The following RBPJ variants were observed in gnomAD, a reference collection of about 807,000 sequenced individuals.
The protein encoded by RBPJ is recombination signal binding protein for immunoglobulin kappa J region.
Under a neutral mutation model 67.8 loss-of-function variants are expected in RBPJ, and 9 were observed. The observed-to-expected ratio is 0.13, with a 90% confidence interval of 0.08 to 0.23. RBPJ has a LOEUF of 0.23. Ranked by LOEUF, RBPJ falls within the 10% of genes least tolerant of loss-of-function variation. The probability of loss-of-function intolerance (pLI) is 1.00; values close to 1 mark genes in which losing one functional copy is unlikely to be tolerated. For synonymous variants in RBPJ, 198 were observed against 203.3 expected, an observed-to-expected ratio of 0.97 and a Z score of 0.22; for missense variants, 305 against 595.6, an observed-to-expected ratio of 0.51 and a Z score of 5.08.
rs561542727 is a variant in RBPJ at position 26,381,321 on chromosome 4, G to A, written c.21-5032G>A. On this transcript the variant is annotated intron_variant, in intron 1 of 10. Coordinates refer to ENST00000355476, the MANE Select transcript of RBPJ (RefSeq NM_015874.6). ...GCAAAACAGAAGTATATATATTAAT[G>A]TGTATGCAGGTTTTTTACTTACTTG... 3.2e-4 allele frequency among the ~76,000 whole-genome samples: 48 copies of A among 152,100 alleles called. No homozygotes were observed. In the South Asian group the frequency reaches 9.5e-3, roughly 30 times the overall value.
intron 1 of RBPJ, among the ~76,000 whole-genome samples, chr4:26,185,856 G>A (rs940980132): frequency 6.6e-5 from 10 of 152,130 alleles, no homozygotes; most frequent in Admixed American, 1.3e-4. Context: ...GGCCAGCCTG[G>A]CCAACATGGT....
In RBPJ at chr4:26,406,001, G is replaced by T. The variant is rs1471177006; in HGVS notation, c.60-174G>T. ...AATGAGCAGTATTCATTGTATCATT[G>T]TATAATCTTCCAATTTAATTTATGG... On this transcript the variant is annotated intron_variant, in intron 2 of 10. Coordinates refer to ENST00000355476, the MANE Select transcript of RBPJ (RefSeq NM_015874.6). Among the ~76,000 whole-genome samples, 4 of 152,084 alleles carry T rather than the reference G, an allele frequency of 2.6e-5. No individual in the cohort carries two copies. The East Asian group carries it at 7.7e-4, about 29-fold the overall frequency.
intron 3 of RBPJ, 28 bp from the exon 4 acceptor site, chr4:26,415,447 T>G (rs752973400): frequency 7.8e-5 from 76 of 970,266 alleles, no homozygotes; most frequent in Non-Finnish European, 9.4e-5. Flanking sequence ...TTGCTTCTTG[T>G]TTTTTTTTTT....
chr4:26,387,229 G>T (rs1310173539), intron 2 of RBPJ, among the ~76,000 whole-genome samples: 1 of 151,990 alleles, frequency 6.6e-6, no homozygotes, highest in African/African-American at 2.4e-5. Context: ...ATTTTAAAAA[G>T]CTGTTACACT....
chr4:26,361,469 A>G (rs894546485), intron 1 of RBPJ, among the ~76,000 whole-genome samples: 8 of 152,084 alleles, frequency 5.3e-5, no homozygotes, highest in Non-Finnish European at 1.2e-4. Context: ...TTTTAGCCCT[A>G]GCTGGGAAAC....
Position 26,351,035 on chromosome 4 carries a change from G to A in RBPJ, c.20+29987G>A, listed in dbSNP as rs536124332. On this transcript the variant is annotated intron_variant, in intron 1 of 10. Coordinates refer to ENST00000355476, the MANE Select transcript of RBPJ (RefSeq NM_015874.6). The stretch of plus-strand genomic sequence containing the variant: ...TGGATATAAATAACTCACAAGCTTA[G>A]CATTCCAATAATGGAACACTATATT... Among the ~76,000 whole-genome samples the A allele has an allele frequency of 2.2e-3, 337 of 151,928 alleles. 1 individual carries two copies. The highest frequency in any genetic ancestry group is 7.8e-3 in the African/African-American group (322 of 41,454).
the RBPJ span, among the ~76,000 whole-genome samples, chr4:26,111,012 A>G: frequency 6.6e-6 from 1 of 152,160 alleles, no homozygotes; most frequent in South Asian, 2.1e-4. Flanking sequence ...TGCAACTAAG[A>G]ACTCTTACCA....
intron 1 of RBPJ, among the ~76,000 whole-genome samples, chr4:26,241,957 C>A (rs756268523): frequency 1.3e-5 from 2 of 152,124 alleles, no homozygotes; most frequent in Non-Finnish European, 1.5e-5. Context: ...TGCTCAATAC[C>A]GCACAGTCTA....
chr4:26,394,908 C>T (rs1273909157), intron 2 of RBPJ, among the ~76,000 whole-genome samples: 1 of 152,156 alleles, frequency 6.6e-6, no homozygotes, highest in Non-Finnish European at 1.5e-5. Flanking sequence ...TTTACCATTT[C>T]TTCAAGGTTT....
the RBPJ span, among the ~76,000 whole-genome samples, chr4:26,122,151 T>C: frequency 3.9e-5 from 6 of 152,132 alleles, no homozygotes; most frequent in African/African-American, 1.4e-4. Context: ...CCAGCAGCCA[T>C]ATTTTTAGGG....
At chr4:26,231,868 A>T (rs919967312) in intron 1 of RBPJ, among the ~76,000 whole-genome samples, 3 of 149,498 alleles carry the variant, frequency 2.0e-5, no homozygotes, top group Admixed American at 6.7e-5. Flanking sequence ...ATTTTTTTTT[A>T]ATTTTAATTT....
At chr4:26,429,811 C>T in intron 8 of RBPJ, 87 bp from the exon 9 acceptor site, 3 of 1,107,024 alleles carry the variant, frequency 2.7e-6, no homozygotes, top group South Asian at 1.4e-5. Context: ...CTTATTAACT[C>T]TTGTCTGAGG....
At chr4:26,361,102 G>T (rs920720664) in intron 1 of RBPJ, among the ~76,000 whole-genome samples, 2 of 149,612 alleles carry the variant, frequency 1.3e-5, no homozygotes, top group African/African-American at 4.9e-5. Context: ...CCATTAGGTT[G>T]TTTTAAGGAG....
At chr4:26,314,738 A>G (rs1722546423), upstream of RBPJ, among the ~76,000 whole-genome samples, 1 of 152,164 alleles carries the variant, frequency 6.6e-6, no homozygotes, top group African/African-American at 2.4e-5. Flanking sequence ...CCGTGAGCCA[A>G]TGAAACCTCT....
intron 1 of RBPJ, among the ~76,000 whole-genome samples, chr4:26,207,986 C>A (rs1405651783): frequency 6.6e-6 from 1 of 152,220 alleles, no homozygotes; most frequent in Non-Finnish European, 1.5e-5. Flanking sequence ...CTATGGTCCT[C>A]ACAATTGCCC....
At chr4:26,119,763 A>C in the RBPJ span, among the ~76,000 whole-genome samples, 28 of 152,344 alleles carry the variant, frequency 1.8e-4, no homozygotes, top group African/African-American at 6.7e-4. Flanking sequence ...TATCAGTGTA[A>C]CGGCCTCAAT....
chr4:26,230,482 C>G (rs1017070278), intron 1 of RBPJ, among the ~76,000 whole-genome samples: 1 of 152,182 alleles, frequency 6.6e-6, no homozygotes, highest in African/African-American at 2.4e-5. Flanking sequence ...CCTATTTTAA[C>G]CCCCATTTTA....
At chr4:26,389,153 C>CA (rs1173912400) in intron 2 of RBPJ, among the ~76,000 whole-genome samples, 1 of 151,572 alleles carries the variant, frequency 6.6e-6, no homozygotes. Context: ...CACTTGAGCC[C>CA]AGGAGACGGA....
chr4:26,214,900 A>AAG (rs1718609299), intron 1 of RBPJ, among the ~76,000 whole-genome samples: 1 of 12,854 alleles, frequency 7.8e-5, no homozygotes, highest in East Asian at 0.014. Flanking sequence ...AAAAAAGAGA[A>AAG]AAAGAAAGAA....
Sources: allele counts gnomAD v4.1 joint callset (sites outside exome capture counted in the v4.1 genomes callset), GRCh38; gene constraint gnomAD v4.1.1; transcripts MANE v1.5; gene names NCBI Gene and HGNC (gene_info 2026-07-23, HGNC 2026-07-21).